Variants in RAB3IP observed in about 807,000 individuals in gnomAD.
The protein encoded by RAB3IP is rab-3A-interacting protein.
RAB3IP carries 36 observed loss-of-function variants against 59.1 expected under a neutral mutation model. The observed-to-expected ratio is 0.61, with a 90% confidence interval of 0.47 to 0.80. RAB3IP has a LOEUF of 0.80. Ranked by LOEUF, RAB3IP falls within the 30% of genes least tolerant of loss-of-function variation. RAB3IP has a pLI of 0.00. For missense variants in RAB3IP, 511 were observed against 536.0 expected, an observed-to-expected ratio of 0.95 and a Z score of 0.46; for synonymous variants, 207 against 191.2, an observed-to-expected ratio of 1.08 and a Z score of -0.68.
chr12:69,784,713 C>A lies in RAB3IP; in HGVS notation c.511-7C>A. The A allele has an allele frequency of 1.3e-6, 2 of 1,563,024 alleles. No homozygotes were observed. The highest frequency in any genetic ancestry group is 1.8e-6 in the Non-Finnish European group (2 of 1,140,122). ...AGATCCAAAATAAAATTATCAATTT[C>A]TCTTAGGAACTGAAGTTAAAAGATG... is the stretch of plus-strand genomic sequence containing the variant. On this transcript the variant is annotated splice_polypyrimidine_tract_variant and splice_region_variant and intron_variant, in intron 3 of 10. Transcript: ENST00000247833.
intron 8 of RAB3IP, among the ~76,000 whole-genome samples, chr12:69,804,972 A>G (rs1879013473): frequency 6.6e-6 from 1 of 152,158 alleles, no homozygotes; most frequent in African/African-American, 2.4e-5. Context: ...TTGACTTGGC[A>G]ATGTAGGCTC....
At chr12:69,762,219 C>T (rs989573003) in intron 3 of RAB3IP, among the ~76,000 whole-genome samples, 2 of 152,124 alleles carry the variant, frequency 1.3e-5, no homozygotes, top group African/African-American at 4.8e-5. Flanking sequence ...ATGATGTAGT[C>T]ATTTAGCTGT....
intron 8 of RAB3IP, among the ~76,000 whole-genome samples, chr12:69,802,145 A>AT (rs1224313651): frequency 6.0e-5 from 9 of 151,232 alleles, no homozygotes; most frequent in Admixed American, 5.9e-4. Context: ...CATAAGTAGA[A>AT]TTTTTTTTAT....
At chr12:69,754,784 CATAAT>C (rs751505278) in intron 1 of RAB3IP, among the ~76,000 whole-genome samples, 62 of 152,226 alleles carry the variant, frequency 4.1e-4, no homozygotes, top group Non-Finnish European at 7.1e-4. Context: ...AGTTTCACAG[CATAAT>C]ATAATTGTTA....
At chr12:69,794,092 A>G (rs1178002798) in intron 4 of RAB3IP, among the ~76,000 whole-genome samples, 3 of 152,198 alleles carry the variant, frequency 2.0e-5, no homozygotes, top group Non-Finnish European at 2.9e-5. Flanking sequence ...ATAAGAACAT[A>G]TATAGTGACC....
At chr12:69,769,977 C>T (rs888166912) in intron 3 of RAB3IP, among the ~76,000 whole-genome samples, 1 of 151,762 alleles carries the variant, frequency 6.6e-6, no homozygotes, top group Non-Finnish European at 1.5e-5. Flanking sequence ...TCTTAATTAC[C>T]GAATTAAATA....
rs1881456008 is a variant in RAB3IP, at chr12:69,819,280, C to T, written c.*3834C>T. On this transcript the variant is annotated 3_prime_UTR_variant, in exon 11 of 11. Coordinates refer to ENST00000247833, the MANE Select transcript of RAB3IP (RefSeq NM_022456.5). ...GAAAGGAAAGAATTCAGGTCTGAAT[C>T]TTAGGCTTTTGGCTTGAGCTATTGC... 1 of 152,168 alleles carries T rather than the reference C, an allele frequency of 6.6e-6. No individual in the cohort carries two copies. The highest frequency in any genetic ancestry group is 2.1e-4 in the South Asian group (1 of 4,830). The allele number at this position is 152,168 out of a possible 1,614,324, so 9.4% of individuals were successfully genotyped here. A position where few individuals can be genotyped will look rare whatever the true frequency, so the allele number is the denominator to read the frequency against.
chr12:69,787,954 CAATAAA>C (rs2136213573), intron 4 of RAB3IP, among the ~76,000 whole-genome samples: 1 of 152,032 alleles, frequency 6.6e-6, no homozygotes, highest in East Asian at 1.9e-4. Flanking sequence ...AAAGGTAAAA[CAATAAA>C]AATGCTTTAA....
chr12:69,809,885 T>C (rs932113515), intron 8 of RAB3IP, among the ~76,000 whole-genome samples: 1 of 152,204 alleles, frequency 6.6e-6, no homozygotes, highest in Non-Finnish European at 1.5e-5. Flanking sequence ...TCTGAAGCCT[T>C]TCTCTCTCAA....
At chr12:69,810,198 G>T (rs1488601160) in intron 8 of RAB3IP, among the ~76,000 whole-genome samples, 1 of 152,206 alleles carries the variant, frequency 6.6e-6, no homozygotes. Context: ...CAGCAGTGGT[G>T]GCTGCAGAAC....
intron 1 of RAB3IP, among the ~76,000 whole-genome samples, chr12:69,752,191 A>G (rs1869437675): frequency 1.3e-5 from 2 of 151,328 alleles, no homozygotes; most frequent in Non-Finnish European, 2.9e-5. Context: ...TTTTGTAGAG[A>G]CAAGATCTCA....
intron 3 of RAB3IP, among the ~76,000 whole-genome samples, chr12:69,765,245 G>A (rs1196382385): frequency 6.6e-6 from 1 of 152,054 alleles, no homozygotes; most frequent in Non-Finnish European, 1.5e-5. Context: ...TCCAATTTTT[G>A]TCCATTCAGT....
At chr12:69,806,293 T>G (rs1257433041) in intron 8 of RAB3IP, among the ~76,000 whole-genome samples, 3 of 152,226 alleles carry the variant, frequency 2.0e-5, no homozygotes, top group Non-Finnish European at 2.9e-5. Context: ...TAGAGGTGTT[T>G]ATAGTATTCT....
intron 1 of RAB3IP, among the ~76,000 whole-genome samples, chr12:69,753,877 A>G (rs1592455674): frequency 1.3e-5 from 2 of 152,324 alleles, no homozygotes; most frequent in Admixed American, 6.5e-5. Context: ...GGTACACTCA[A>G]GTTAGTTTCC....
intron 8 of RAB3IP, among the ~76,000 whole-genome samples, chr12:69,805,177 A>C (rs1002573151): frequency 5.3e-5 from 8 of 152,130 alleles, no homozygotes; most frequent in Non-Finnish European, 1.0e-4. Context: ...TTCATTGAGC[A>C]GTGGTTTGTA....
intron 6 of RAB3IP, among the ~76,000 whole-genome samples, chr12:69,797,469 T>G (rs1877617393): frequency 7.3e-6 from 1 of 136,442 alleles, no homozygotes; most frequent in South Asian, 2.4e-4. Flanking sequence ...GTCCTTTTTC[T>G]TTTCTTTCTT....
intron 1 of RAB3IP, among the ~76,000 whole-genome samples, chr12:69,740,951 C>T (rs1887272774): frequency 6.6e-6 from 1 of 152,224 alleles, no homozygotes; most frequent in Non-Finnish European, 1.5e-5. Context: ...TAATGTTCAG[C>T]TCCATCACTT....
At chr12:69,796,683 A>G (rs1340026642) in intron 6 of RAB3IP, 1 of 587,978 alleles carries the variant, frequency 1.7e-6, no homozygotes, top group Non-Finnish European at 3.0e-6. Flanking sequence ...TCTGAATGTA[A>G]CCAAATCCAA....
intron 1 of RAB3IP, among the ~76,000 whole-genome samples, chr12:69,752,891 A>G (rs927775955): frequency 6.6e-6 from 1 of 152,212 alleles, no homozygotes. Context: ...TTTTCTTGGT[A>G]TATGTGGGTA....
Sources: allele counts gnomAD v4.1 joint callset (sites outside exome capture counted in the v4.1 genomes callset), GRCh38; gene constraint gnomAD v4.1.1; transcripts MANE v1.5; gene names NCBI Gene and HGNC (gene_info 2026-07-23, HGNC 2026-07-21).